The following GNAQ variants were observed in gnomAD, a reference collection of about 807,000 sequenced individuals.
GNAQ encodes guanine nucleotide-binding protein G(q) subunit alpha.
GNAQ carries 8 observed loss-of-function variants against 43.9 expected under a neutral mutation model. That is an observed-to-expected ratio of 0.18 (90% CI 0.11 to 0.33). GNAQ has a LOEUF of 0.33. Ranked by LOEUF, GNAQ falls within the 10% of genes least tolerant of loss-of-function variation. The pLI, the probability that GNAQ is intolerant of heterozygous loss-of-function variation, is 1.00. For synonymous variants in GNAQ, 155 were observed against 170.7 expected (o/e 0.91, Z 0.71); for missense variants, 158 against 450.8 (o/e 0.35, Z 5.88).
intron 1 of GNAQ, among the ~76,000 whole-genome samples, chr9:77,988,559 C>T (rs1355714933): frequency 6.6e-6 from 1 of 152,218 alleles, no homozygotes; most frequent in Non-Finnish European, 1.5e-5. Context: ...CAACTCTCAT[C>T]TTGCACCACT....
intron 1 of GNAQ, among the ~76,000 whole-genome samples, chr9:77,986,145 C>A (rs1399199529): frequency 6.6e-6 from 1 of 152,122 alleles, no homozygotes; most frequent in Non-Finnish European, 1.5e-5. Flanking sequence ...TTATAGCCAC[C>A]ACCACCTTTC....
At chr9:77,816,817 G>A (rs1028846813) in intron 2 of GNAQ, among the ~76,000 whole-genome samples, 2 of 152,146 alleles carry the variant, frequency 1.3e-5, no homozygotes, top group Non-Finnish European at 2.9e-5. Context: ...AGAGTATTAA[G>A]CAGATAGAAT....
chr9:77,742,635 G>A (rs1825672168), intron 5 of GNAQ, among the ~76,000 whole-genome samples: 1 of 150,898 alleles, frequency 6.6e-6, no homozygotes, highest in South Asian at 2.1e-4. Flanking sequence ...GTGTTAGGAA[G>A]TTAAAAGATC....
chr9:77,960,885 A>C (rs895860014), intron 1 of GNAQ, among the ~76,000 whole-genome samples: 1 of 152,178 alleles, frequency 6.6e-6, no homozygotes, highest in African/African-American at 2.4e-5. Context: ...AATACTAACG[A>C]GCACAGGAGG....
chr9:77,778,961 C>G (rs1047865159), intron 5 of GNAQ, among the ~76,000 whole-genome samples: 2 of 151,838 alleles, frequency 1.3e-5, no homozygotes, highest in Admixed American at 6.6e-5. Flanking sequence ...CAGATAAACC[C>G]GCTATTACAG....
chr9:77,907,704 T>G (rs1349783887), intron 2 of GNAQ, among the ~76,000 whole-genome samples: 1 of 152,302 alleles, frequency 6.6e-6, no homozygotes, highest in African/African-American at 2.4e-5. Context: ...AAAAGATCCA[T>G]AATAATAGTG....
At chr9:77,782,923 C>A (rs1489810459) in intron 5 of GNAQ, among the ~76,000 whole-genome samples, 1 of 152,184 alleles carries the variant, frequency 6.6e-6, no homozygotes, top group Non-Finnish European at 1.5e-5. Context: ...ATTCTAACTA[C>A]TGGCATTCTA....
intron 2 of GNAQ, among the ~76,000 whole-genome samples, chr9:77,885,741 T>C (rs894607412): frequency 6.8e-6 from 1 of 147,046 alleles, no homozygotes; most frequent in Non-Finnish European, 1.5e-5. Context: ...TCCCTAAAAC[T>C]TTTTTTTTTA....
At chr9:77,966,954 T>C (rs1823175247) in intron 1 of GNAQ, among the ~76,000 whole-genome samples, 1 of 152,192 alleles carries the variant, frequency 6.6e-6, no homozygotes, top group Admixed American at 6.5e-5. Flanking sequence ...TTCATTGCCC[T>C]AGGTTCGGGC....
chr9:77,764,729 A>G (rs1826107669), intron 5 of GNAQ, among the ~76,000 whole-genome samples: 1 of 152,160 alleles, frequency 6.6e-6, no homozygotes, highest in Non-Finnish European at 1.5e-5. Flanking sequence ...TGCTGGGATT[A>G]CAGGTGTGAG....
rs189556539 is a variant in GNAQ, at chr9:77,717,714, C to T, written c.*3609G>A. 8.6e-6 allele frequency: 2 copies of T among 231,774 alleles called. No individual in the cohort carries two copies. The highest frequency in any genetic ancestry group is 6.1e-5 in the East Asian group (1 of 16,400). The allele number at this position is 231,774 out of a possible 1,614,324, so 14.4% of individuals were successfully genotyped here. On this transcript the variant is annotated 3_prime_UTR_variant, in exon 7 of 7. Coordinates refer to ENST00000286548, the MANE Select transcript of GNAQ (RefSeq NM_002072.5). Reference sequence around the variant, plus strand: ...AGCTGAATTACCTTTTTAAAATAGGCCTGCTAGTTAATCTACCAAAAAAAA... The same window carrying T: ...AGCTGAATTACCTTTTTAAAATAGGTCTGCTAGTTAATCTACCAAAAAAAA...
intron 5 of GNAQ, among the ~76,000 whole-genome samples, chr9:77,744,604 T>A (rs544288700): frequency 1.3e-5 from 2 of 152,270 alleles, no homozygotes; most frequent in South Asian, 2.1e-4. Context: ...AGCTTTCCAA[T>A]GATTTAAACT....
At chr9:77,751,102 A>G (rs1207561922) in intron 5 of GNAQ, among the ~76,000 whole-genome samples, 1 of 152,220 alleles carries the variant, frequency 6.6e-6, no homozygotes, top group African/African-American at 2.4e-5. Flanking sequence ...ATGTTAAGTC[A>G]GTGAATCCCA....
intron 1 of GNAQ, among the ~76,000 whole-genome samples, chr9:77,976,424 G>A (rs1178505510): frequency 6.6e-6 from 1 of 151,674 alleles, no homozygotes; most frequent in African/African-American, 2.4e-5. Flanking sequence ...ACAGAGTCTC[G>A]CTCTGTTGCC....
intron 2 of GNAQ, among the ~76,000 whole-genome samples, chr9:77,919,070 C>A (rs1251471279): frequency 1.3e-5 from 2 of 152,098 alleles, no homozygotes; most frequent in African/African-American, 4.8e-5. Context: ...CAGGCATGTG[C>A]CACCACGCCT....
chr9:77,892,756 TAAG>T (rs1828425513), intron 2 of GNAQ, among the ~76,000 whole-genome samples: 2 of 152,160 alleles, frequency 1.3e-5, no homozygotes, highest in Non-Finnish European at 2.9e-5. Context: ...AGGGCACAGA[TAAG>T]AATCTATGAG....
At chr9:77,957,029 G>A (rs893958849) in intron 1 of GNAQ, among the ~76,000 whole-genome samples, 5 of 152,086 alleles carry the variant, frequency 3.3e-5, no homozygotes, top group Non-Finnish European at 7.4e-5. Flanking sequence ...GTACAGCCCG[G>A]AACAGAATGA....
intron 2 of GNAQ, among the ~76,000 whole-genome samples, chr9:77,906,434 T>C (rs1379355706): frequency 2.0e-5 from 3 of 152,222 alleles, no homozygotes; most frequent in Non-Finnish European, 4.4e-5. Flanking sequence ...AATTGAATAA[T>C]CTTTATCAAA....
intron 5 of GNAQ, among the ~76,000 whole-genome samples, chr9:77,757,612 T>G (rs1351867652): frequency 6.6e-6 from 1 of 152,120 alleles, no homozygotes; most frequent in Non-Finnish European, 1.5e-5. Flanking sequence ...TAACATGCTT[T>G]TACTATTATT....
Sources: allele counts gnomAD v4.1 joint callset (sites outside exome capture counted in the v4.1 genomes callset), GRCh38; gene constraint gnomAD v4.1.1; transcripts MANE v1.5; gene names NCBI Gene and HGNC (gene_info 2026-07-23, HGNC 2026-07-21).